The following CLSTN2 variants were observed in gnomAD, a reference collection of about 807,000 sequenced individuals.
CLSTN2 encodes calsyntenin 2.
In CLSTN2, 48 loss-of-function variants were observed where a neutral mutation model predicts 101.2. The ratio of observed to expected loss-of-function variants is 0.47; its 90% confidence interval spans 0.38 to 0.60. The LOEUF is 0.60. Ranked by LOEUF, CLSTN2 falls within the 20% of genes least tolerant of loss-of-function variation. The probability of loss-of-function intolerance (pLI) is 0.00; values close to 1 mark genes in which losing one functional copy is unlikely to be tolerated. For missense variants in CLSTN2, 1,160 were observed against 1,238.2 expected (o/e 0.94, Z 0.95); for synonymous variants, 481 against 463.6 (o/e 1.04, Z -0.48).
At chr3:140,221,314 T>C (rs2086271312) in intron 2 of CLSTN2, among the ~76,000 whole-genome samples, 1 of 152,250 alleles carries the variant, frequency 6.6e-6, no homozygotes, top group Non-Finnish European at 1.5e-5. Context: ...GTGTCTATGT[T>C]TAGATGTGGA....
At chr3:140,556,840 A>ACCACCG in intron 11 of CLSTN2, 179 bp downstream of exon 11, 2 of 604,596 alleles carry the variant, frequency 3.3e-6, no homozygotes, top group East Asian at 2.9e-5. Flanking sequence ...CTTCCTAAGC[A>ACCACCG]AGATGTTCTG....
chr3:140,435,924 T>C (rs2088681677), intron 5 of CLSTN2, among the ~76,000 whole-genome samples: 1 of 152,210 alleles, frequency 6.6e-6, no homozygotes. Flanking sequence ...ATTCCTAGAA[T>C]TTTTTTCCTG....
chr3:140,446,308 G>A (rs1933076397), intron 5 of CLSTN2, among the ~76,000 whole-genome samples: 1 of 151,996 alleles, frequency 6.6e-6, no homozygotes, highest in Non-Finnish European at 1.5e-5. Context: ...ATAGAAGTAG[G>A]GATATTCTCC....
intron 1 of CLSTN2, among the ~76,000 whole-genome samples, chr3:140,000,294 G>T (rs1397697665): frequency 6.6e-6 from 1 of 152,152 alleles, no homozygotes; most frequent in Non-Finnish European, 1.5e-5. Context: ...TGTTAGCTGG[G>T]CGGCCCTGAG....
chr3:140,391,093 G>A (rs927560200), intron 2 of CLSTN2, among the ~76,000 whole-genome samples: 3 of 152,096 alleles, frequency 2.0e-5, no homozygotes, highest in East Asian at 3.9e-4. Flanking sequence ...ACTTGGAAAC[G>A]GTTTAAACAC....
intron 8 of CLSTN2, among the ~76,000 whole-genome samples, chr3:140,478,072 C>T (rs1040308604): frequency 6.6e-6 from 1 of 152,172 alleles, no homozygotes; most frequent in African/African-American, 2.4e-5. Flanking sequence ...ACTGTTACCA[C>T]AGCATTTTTA....
chr3:140,166,303 C>T (rs2010134063), intron 1 of CLSTN2, among the ~76,000 whole-genome samples: 1 of 152,192 alleles, frequency 6.6e-6, no homozygotes, highest in East Asian at 1.9e-4. Context: ...CTAAGCAGTT[C>T]TACTAGGAGA....
intron 1 of CLSTN2, among the ~76,000 whole-genome samples, chr3:139,974,257 C>G (rs937189981): frequency 2.0e-5 from 3 of 152,220 alleles, no homozygotes; most frequent in African/African-American, 7.2e-5. Context: ...ATGACACTGC[C>G]TGTCCTTTGA....
chr3:140,321,436 T>G (rs536358463), intron 2 of CLSTN2, among the ~76,000 whole-genome samples: 1 of 152,072 alleles, frequency 6.6e-6, no homozygotes, highest in Non-Finnish European at 1.5e-5. Context: ...TGGCCTGTAT[T>G]GTCCAGTCTT....
intron 5 of CLSTN2, among the ~76,000 whole-genome samples, chr3:140,433,002 T>G (rs1170319881): frequency 6.6e-6 from 1 of 152,202 alleles, no homozygotes; most frequent in Non-Finnish European, 1.5e-5. Context: ...TTAATACACT[T>G]GCCACACAGC....
chr3:140,525,726 G>A (rs116364638), intron 8 of CLSTN2, among the ~76,000 whole-genome samples: 23 of 152,030 alleles, frequency 1.5e-4, no homozygotes, highest in African/African-American at 4.3e-4. Context: ...AAGTTAAGTC[G>A]CCACATTCAA....
intron 1 of CLSTN2, among the ~76,000 whole-genome samples, chr3:140,005,668 A>G (rs1449719312): frequency 6.6e-6 from 1 of 152,250 alleles, no homozygotes; most frequent in African/African-American, 2.4e-5. Context: ...CTCAATTTTT[A>G]ACAAGATAGG....
chr3:140,139,961 G>A (rs1038318251), intron 1 of CLSTN2, among the ~76,000 whole-genome samples: 1 of 152,162 alleles, frequency 6.6e-6, no homozygotes, highest in African/African-American at 2.4e-5. Flanking sequence ...TTGGAAAGAG[G>A]GAACAGTGGC....
intron 1 of CLSTN2, among the ~76,000 whole-genome samples, chr3:140,012,036 A>G (rs1258837243): frequency 6.6e-6 from 1 of 152,170 alleles, no homozygotes; most frequent in Admixed American, 6.5e-5. Context: ...GGCAAAGCTG[A>G]CTGTGGCTGG....
chr3:140,347,603 A>G (rs1489735791), intron 2 of CLSTN2, among the ~76,000 whole-genome samples: 1 of 152,242 alleles, frequency 6.6e-6, no homozygotes, highest in Non-Finnish European at 1.5e-5. Flanking sequence ...TCAACAGGGA[A>G]TGAGCCATCC....
intron 2 of CLSTN2, among the ~76,000 whole-genome samples, chr3:140,395,923 A>G (rs552011781): frequency 6.6e-6 from 1 of 152,286 alleles, no homozygotes; most frequent in South Asian, 2.1e-4. Context: ...GAGGGACCTC[A>G]CCAATCTGAA....
chr3:140,346,065 A>G (rs963484314), intron 2 of CLSTN2, among the ~76,000 whole-genome samples: 1 of 152,184 alleles, frequency 6.6e-6, no homozygotes, highest in African/African-American at 2.4e-5. Context: ...AAATCAATAC[A>G]CAGAATATGA....
At chr3:140,545,910 A>G (rs377564264) in intron 9 of CLSTN2, among the ~76,000 whole-genome samples, 96 of 152,358 alleles carry the variant, frequency 6.3e-4, no homozygotes, top group African/African-American at 2.1e-3. Flanking sequence ...GGGTGGAATC[A>G]ACACATTGTG....
At chr3:140,418,643 G>A (rs766325222) in intron 4 of CLSTN2, among the ~76,000 whole-genome samples, 41 of 150,548 alleles carry the variant, frequency 2.7e-4, no homozygotes, top group Non-Finnish European at 5.5e-4. Flanking sequence ...TGAGCCTCCC[G>A]AGCCACTGGG....
Sources: allele counts gnomAD v4.1 joint callset (sites outside exome capture counted in the v4.1 genomes callset), GRCh38; gene constraint gnomAD v4.1.1; transcripts MANE v1.5; gene names NCBI Gene and HGNC (gene_info 2026-07-23, HGNC 2026-07-21).